The following FHIT variants were observed in gnomAD, a reference collection of about 807,000 sequenced individuals.
FHIT encodes bis(5'-adenosyl)-triphosphatase.
In FHIT, 19 loss-of-function variants were observed where a neutral mutation model predicts 17.9. That is an observed-to-expected ratio of 1.06 (90% CI 0.74 to 1.56). The LOEUF is 1.56. FHIT is among the 40% of genes most tolerant of loss of function. FHIT has a pLI of 0.00. For synonymous variants in FHIT, 81 were observed against 69.7 expected (o/e 1.16, Z -0.81); for missense variants, 248 against 189.2 (o/e 1.31, Z -1.82).
chr3:60,216,397 G>A (rs1431403613), intron 5 of FHIT, among the ~76,000 whole-genome samples: 1 of 152,122 alleles, frequency 6.6e-6, no homozygotes, highest in Non-Finnish European at 1.5e-5. Flanking sequence ...CCAATTCAGT[G>A]AAAAAGCTAA....
Position 60,591,702 on chromosome 3 carries a change from A to C in FHIT, c.-17-54723T>G, listed in dbSNP as rs1207278159. 3.3e-5 allele frequency among the ~76,000 whole-genome samples: 5 copies of C among 152,088 alleles called. No homozygotes were observed. The South Asian group carries it at 8.3e-4, about 25-fold the overall frequency. On this transcript the variant is annotated intron_variant, in intron 4 of 9. Transcript: ENST00000492590. The stretch of plus-strand genomic sequence containing the variant: ...GATGAAAATGGCAGAGAGGAAAATG[A>C]AATGAGCCTTCTGAGATTCATTCTT...
At chr3:60,998,237 T>G (rs985457839) in intron 3 of FHIT, among the ~76,000 whole-genome samples, 1 of 152,202 alleles carries the variant, frequency 6.6e-6, no homozygotes, top group Non-Finnish European at 1.5e-5. Flanking sequence ...ATACTCTGGA[T>G]AGAGAGTAGC....
At chr3:60,766,022 C>T (rs537738877) in intron 4 of FHIT, among the ~76,000 whole-genome samples, 2 of 152,256 alleles carry the variant, frequency 1.3e-5, no homozygotes, top group African/African-American at 4.8e-5. Context: ...TGGTTTGAGC[C>T]TTTCAGACTG....
chr3:61,091,011 T>A (rs1575994682), intron 2 of FHIT, among the ~76,000 whole-genome samples: 1 of 152,202 alleles, frequency 6.6e-6, no homozygotes, highest in African/African-American at 2.4e-5. Flanking sequence ...GACAGCATTA[T>A]CTTCTGTGGT....
chr3:60,484,464 A>G (rs2033750585), intron 5 of FHIT, among the ~76,000 whole-genome samples: 1 of 152,226 alleles, frequency 6.6e-6, no homozygotes, highest in Non-Finnish European at 1.5e-5. Flanking sequence ...ACTGGTATCA[A>G]AACAGAGATA....
chr3:60,194,505 A>T (rs1340888782), intron 5 of FHIT, among the ~76,000 whole-genome samples: 1 of 151,964 alleles, frequency 6.6e-6, no homozygotes, highest in Non-Finnish European at 1.5e-5. Flanking sequence ...CCTAGGAAAA[A>T]CTCTTCTGGA....
At chr3:60,248,813 T>G (rs2107587082) in intron 5 of FHIT, among the ~76,000 whole-genome samples, 1 of 152,194 alleles carries the variant, frequency 6.6e-6, no homozygotes, top group Admixed American at 6.5e-5. Flanking sequence ...GACTCACCCC[T>G]TTTTCTTCCC....
intron 4 of FHIT, among the ~76,000 whole-genome samples, chr3:60,542,187 C>T (rs1310468827): frequency 6.6e-6 from 1 of 152,166 alleles, no homozygotes; most frequent in Admixed American, 6.5e-5. Flanking sequence ...ATCCATGTTG[C>T]CATAAACAAT....
chr3:60,436,917 C>T (rs1003593672), intron 5 of FHIT, among the ~76,000 whole-genome samples: 29 of 152,104 alleles, frequency 1.9e-4, no homozygotes, highest in Admixed American at 5.9e-4. Flanking sequence ...TACCCATCTA[C>T]TTCACAAAAT....
At chr3:60,259,118 A>T (rs1233178133) in intron 5 of FHIT, among the ~76,000 whole-genome samples, 1 of 152,104 alleles carries the variant, frequency 6.6e-6, no homozygotes, top group Non-Finnish European at 1.5e-5. Flanking sequence ...TCCCCATTTA[A>T]AATGACTACC....
intron 5 of FHIT, among the ~76,000 whole-genome samples, chr3:60,078,611 G>A (rs576943366): frequency 6.6e-6 from 1 of 152,254 alleles, no homozygotes; most frequent in East Asian, 1.9e-4. Context: ...CATAAGGTCT[G>A]CAGACCAGAA....
At chr3:60,503,531 T>C (rs1205315146) in intron 5 of FHIT, among the ~76,000 whole-genome samples, 1 of 152,316 alleles carries the variant, frequency 6.6e-6, no homozygotes, top group Admixed American at 6.5e-5. Flanking sequence ...AACTGATAAA[T>C]GTATGGGCAC....
chr3:59,870,548 G>A (rs1475221664), intron 8 of FHIT, among the ~76,000 whole-genome samples: 2 of 152,202 alleles, frequency 1.3e-5, no homozygotes, highest in African/African-American at 4.8e-5. Context: ...TGGCAGTGGT[G>A]ATTGCTTTCT....
At chr3:60,596,499 C>G (rs1402311120) in intron 4 of FHIT, among the ~76,000 whole-genome samples, 1 of 152,130 alleles carries the variant, frequency 6.6e-6, no homozygotes, top group African/African-American at 2.4e-5. Context: ...CTCCAAAATC[C>G]TTTCCAATTG....
intron 8 of FHIT, among the ~76,000 whole-genome samples, chr3:59,843,156 T>C (rs1701592687): frequency 6.6e-6 from 1 of 152,204 alleles, no homozygotes; most frequent in South Asian, 2.1e-4. Context: ...TAGCGGCATT[T>C]ATTGGAAAGA....
chr3:60,453,449 G>A (rs780208881), intron 5 of FHIT, among the ~76,000 whole-genome samples: 1 of 152,080 alleles, frequency 6.6e-6, no homozygotes, highest in Non-Finnish European at 1.5e-5. Context: ...CAATGCCTCC[G>A]CCAGGCCAGG....
intron 5 of FHIT, among the ~76,000 whole-genome samples, chr3:60,332,153 C>T (rs1710009031): frequency 6.6e-6 from 1 of 152,180 alleles, no homozygotes; most frequent in African/African-American, 2.4e-5. Context: ...TTCACAGCTA[C>T]CCCAGAAGCA....
intron 5 of FHIT, among the ~76,000 whole-genome samples, chr3:60,515,312 A>G (rs938964672): frequency 2.6e-5 from 4 of 152,198 alleles, no homozygotes; most frequent in Non-Finnish European, 5.9e-5. Flanking sequence ...GAACACAAAC[A>G]GCACCACTGG....
At position 60,967,777 on chromosome 3, in the gene FHIT, T is replaced by C. The variant is rs1434285102; in HGVS notation, c.-111+74270A>G. On this transcript the variant is annotated intron_variant, in intron 3 of 9. Coordinates refer to ENST00000492590, the MANE Select transcript of FHIT (RefSeq NM_002012.4). ...GGAAACTAAATGCATTACACTAGAC[T>C]TTCACTATTTATAATTATTTTTCTA... Among the ~76,000 whole-genome samples the C allele has an allele frequency of 2.7e-4, 41 of 152,180 alleles. 2 individuals are homozygous for C. The highest frequency in any genetic ancestry group is 2.7e-3 in the Admixed American group (41 of 15,284).
Sources: allele counts gnomAD v4.1 joint callset (sites outside exome capture counted in the v4.1 genomes callset), GRCh38; gene constraint gnomAD v4.1.1; transcripts MANE v1.5; gene names NCBI Gene and HGNC (gene_info 2026-07-23, HGNC 2026-07-21).